The following TMTC4 variants were observed in gnomAD, a reference collection of about 807,000 sequenced individuals.
TMTC4 encodes transmembrane O-mannosyltransferase targeting cadherins 4, also known as protein O-mannosyl-transferase TMTC4.
A neutral mutation model predicts 86.0 loss-of-function variants in TMTC4; 65 were observed. That is an observed-to-expected ratio of 0.76 (90% CI 0.62 to 0.93). The LOEUF (loss-of-function observed/expected upper bound fraction) is 0.93, where lower values mean the gene tolerates loss of function less well. TMTC4 is among the 40% of genes least tolerant of loss of function. The probability of loss-of-function intolerance (pLI) is 0.00; values close to 1 mark genes in which losing one functional copy is unlikely to be tolerated. For synonymous variants in TMTC4, 379 were observed against 382.5 expected, an observed-to-expected ratio of 0.99 and a Z score of 0.11; for missense variants, 866 against 948.1, an observed-to-expected ratio of 0.91 and a Z score of 1.14.
chr13:100,629,036 C>T (rs376864267), intron 12 of TMTC4, among the ~76,000 whole-genome samples: 1 of 152,064 alleles, frequency 6.6e-6, no homozygotes, highest in South Asian at 2.1e-4. Context: ...GTAATCTCAG[C>T]TACTTGGGAG....
intron 15 of TMTC4, among the ~76,000 whole-genome samples, chr13:100,621,922 C>T (rs1439055564): frequency 6.6e-6 from 1 of 152,130 alleles, no homozygotes; most frequent in East Asian, 1.9e-4. Flanking sequence ...TGAGGATCGC[C>T]CCTGCTTTGT....
chr13:100,610,871 G>A (rs1053164649), intron 17 of TMTC4, among the ~76,000 whole-genome samples: 5 of 152,194 alleles, frequency 3.3e-5, no homozygotes, highest in African/African-American at 9.7e-5. Context: ...CAGATGGCTG[G>A]AAAGGTCATT....
intron 3 of TMTC4, chr13:100,666,052 G>T (rs1465109399): frequency 2.2e-6 from 1 of 456,676 alleles, no homozygotes; most frequent in East Asian, 6.9e-5. Flanking sequence ...AACAGGAAAT[G>T]AACACCAACG....
At position 100,604,836 on chromosome 13, in the gene TMTC4, G is replaced by C; in HGVS notation, c.*158C>G. On this transcript the variant is annotated 3_prime_UTR_variant, in exon 19 of 19. Transcript: ENST00000342624. ...CATATCACGCATTCAAGAGTATATTGCTGGTGCTATAATCTTTTTGCATGT... is the reference window on the plus strand; with the variant it reads ...CATATCACGCATTCAAGAGTATATTCCTGGTGCTATAATCTTTTTGCATGT... 1.5e-6 allele frequency: 1 copy of C among 679,228 alleles called. No homozygotes were observed. The highest frequency in any genetic ancestry group is 2.2e-6 in the Non-Finnish European group (1 of 452,588). 42.1% of individuals were successfully genotyped at this position (679,228 alleles called of 1,614,324 possible). A position where few individuals can be genotyped will look rare whatever the true frequency, so the allele number is the denominator to read the frequency against.
At position 100,614,415 on chromosome 13, in the gene TMTC4, G is replaced by T; in HGVS notation, c.1852C>A (p.Arg618Ser). The T allele has an allele frequency of 6.2e-7, 1 of 1,611,798 alleles. No homozygotes were observed. Among genetic ancestry groups the T allele is most frequent in the Non-Finnish European group, 8.5e-7 (1 of 1,179,518 alleles). ...NLGRLYADLN[R>S]HVDALNAWRN... ...CACGCATTCAAGGCATCCACGTGGC[G>T]ATTGAGATCTGCATACTGAAAATAA... Residue 618 changes from arginine (R) to serine (S), a missense_variant, in exon 16 of 19, where the codon CGC becomes AGC. Physicochemically the swap from Arg to Ser is moderately radical, Grantham distance 110. Coordinates refer to ENST00000342624, the MANE Select transcript of TMTC4 (RefSeq NM_032813.5).
chr13:100,620,054 G>A (rs1042625341), intron 15 of TMTC4, among the ~76,000 whole-genome samples: 3 of 152,244 alleles, frequency 2.0e-5, no homozygotes, highest in Non-Finnish European at 2.9e-5. Flanking sequence ...GCATCTACAC[G>A]AAGGGAACAA....
At chr13:100,630,686 G>A (rs1292122855) in intron 12 of TMTC4, among the ~76,000 whole-genome samples, 1 of 152,066 alleles carries the variant, frequency 6.6e-6, no homozygotes. Flanking sequence ...ACATCAACAC[G>A]ACGCCCGCCT....
At position 100,674,041 on chromosome 13, in the gene TMTC4, G is replaced by A. The variant is rs969646226; in HGVS notation, c.-208+703C>T. On this transcript the variant is annotated intron_variant, in intron 1 of 18. Transcript: ENST00000342624. Reference sequence around the variant, plus strand: ...TAAAAAAAAGAAAAACACACACGCAGCCCATAGCCACAACATCAACAAGAC... The same window carrying A: ...TAAAAAAAAGAAAAACACACACGCAACCCATAGCCACAACATCAACAAGAC... 1.8e-5 allele frequency: 18 copies of A among 985,180 alleles called. No individual in the cohort carries two copies. In the Admixed American group the frequency reaches 8.0e-4, roughly 44 times the overall value. The allele number at this position is 985,180 out of a possible 1,614,324, so 61.0% of individuals were successfully genotyped here.
chr13:100,609,676 TATATACAC>T (rs1165340783), intron 17 of TMTC4, among the ~76,000 whole-genome samples: 1 of 143,936 alleles, frequency 6.9e-6, no homozygotes, highest in East Asian at 2.0e-4. Flanking sequence ...TAAATGTATA[TATATACAC>T]ACACACACAC....
At chr13:100,613,514 C>T (rs1227635695) in intron 16 of TMTC4, among the ~76,000 whole-genome samples, 2 of 150,234 alleles carry the variant, frequency 1.3e-5, no homozygotes, top group Non-Finnish European at 3.0e-5. Context: ...TGAGGGGGCT[C>T]CTTTGAGTGA....
At chr13:100,609,676 T>TACACACACACAC (rs373186529) in intron 17 of TMTC4, among the ~76,000 whole-genome samples, 1 of 143,936 alleles carries the variant, frequency 6.9e-6, no homozygotes, top group Non-Finnish European at 1.5e-5. Flanking sequence ...TAAATGTATA[T>TACACACACACAC]ATATACACAC....
chr13:100,659,256 T>A (rs1349170718), intron 5 of TMTC4, among the ~76,000 whole-genome samples: 2 of 152,218 alleles, frequency 1.3e-5, no homozygotes, highest in Non-Finnish European at 2.9e-5. Flanking sequence ...AGAACTCTTT[T>A]TAAACATTTT....
chr13:100,636,434 G>A (rs9518119), intron 10 of TMTC4, 98 bp downstream of exon 10: 7 of 1,393,340 alleles, frequency 5.0e-6, no homozygotes, highest in East Asian at 2.3e-5. Context: ...GTCCTTAGAC[G>A]TGACTTCCAC....
chr13:100,633,011 A>G (rs1881654992), intron 12 of TMTC4, among the ~76,000 whole-genome samples: 1 of 152,168 alleles, frequency 6.6e-6, no homozygotes, highest in Non-Finnish European at 1.5e-5. Context: ...ACTGAAATGA[A>G]CCTACAAAAG....
chr13:100,606,179 A>G (rs1175604809), intron 18 of TMTC4, among the ~76,000 whole-genome samples, 179 bp downstream of exon 18: 1 of 152,206 alleles, frequency 6.6e-6, no homozygotes, highest in African/African-American at 2.4e-5. Context: ...TGGTCATGCA[A>G]TTGAGATTTG....
chr13:100,613,846 C>T (rs950990927), intron 16 of TMTC4, among the ~76,000 whole-genome samples: 1 of 140,038 alleles, frequency 7.1e-6, no homozygotes, highest in Admixed American at 7.2e-5. Flanking sequence ...CCCGCCCCCC[C>T]CTTTTTTTTT....
intron 12 of TMTC4, among the ~76,000 whole-genome samples, chr13:100,632,053 A>ACTCTCTCTCTCTCTCT (rs67759381): frequency 1.2e-3 from 50 of 43,122 alleles, no homozygotes; most frequent in Non-Finnish European, 2.0e-3. Context: ...ACACACACAC[A>ACTCTCTCTCTCTCTCT]CTCTCTCTCT....
intron 7 of TMTC4, among the ~76,000 whole-genome samples, chr13:100,641,055 C>T (rs755131429): frequency 7.9e-5 from 12 of 152,078 alleles, no homozygotes; most frequent in Non-Finnish European, 1.5e-4. Flanking sequence ...CCCCCACCCC[C>T]CTGACACTGC....
At chr13:100,613,465 T>C (rs1877956396) in intron 16 of TMTC4, among the ~76,000 whole-genome samples, 1 of 152,164 alleles carries the variant, frequency 6.6e-6, no homozygotes, top group Non-Finnish European at 1.5e-5. Flanking sequence ...TCGATTAGCA[T>C]TATATAAAAA....
Sources: allele counts gnomAD v4.1 joint callset (sites outside exome capture counted in the v4.1 genomes callset), GRCh38; gene constraint gnomAD v4.1.1; transcripts MANE v1.5; gene names NCBI Gene and HGNC (gene_info 2026-07-23, HGNC 2026-07-21).